The following VPS41 variants were observed in gnomAD, a reference collection of about 807,000 sequenced individuals.
VPS41 encodes the protein VPS41 subunit of HOPS complex.
A neutral mutation model predicts 130.9 loss-of-function variants in VPS41; 85 were observed. The ratio of observed to expected loss-of-function variants is 0.65; its 90% CI spans 0.55 to 0.78. The LOEUF is 0.78. Ranked by LOEUF, VPS41 falls within the 30% of genes least tolerant of loss-of-function variation. VPS41 has a pLI of 0.00. For synonymous variants in VPS41, 335 were observed against 332.9 expected, an observed-to-expected ratio of 1.01 and a Z score of -0.07; for missense variants, 874 against 1,018.7, an observed-to-expected ratio of 0.86 and a Z score of 1.93.
intron 3 of VPS41, among the ~76,000 whole-genome samples, chr7:38,867,006 C>A (rs978862593): frequency 6.6e-6 from 1 of 152,116 alleles, no homozygotes; most frequent in Non-Finnish European, 1.5e-5. Context: ...CTGATACATG[C>A]TACATCATGA....
At chr7:38,882,768 C>T (rs1328824529) in intron 2 of VPS41, among the ~76,000 whole-genome samples, 1 of 152,146 alleles carries the variant, frequency 6.6e-6, no homozygotes, top group Non-Finnish European at 1.5e-5. Context: ...AATCTGTTGG[C>T]TATACTTTAA....
intron 8 of VPS41, 38 bp downstream of exon 8, chr7:38,796,707 C>A (rs1784626976): frequency 1.2e-6 from 2 of 1,612,536 alleles, no homozygotes; most frequent in African/African-American, 2.7e-5. Context: ...TCTTCTGCCA[C>A]TGAACAAGCA....
At chr7:38,781,370 G>T (rs1053412103) in intron 10 of VPS41, among the ~76,000 whole-genome samples, 6 of 152,190 alleles carry the variant, frequency 3.9e-5, no homozygotes, top group African/African-American at 1.4e-4. Context: ...TGCAGGTCTA[G>T]ATGCCCAAGT....
At chr7:38,867,566 TA>T (rs1160089442) in intron 3 of VPS41, among the ~76,000 whole-genome samples, 2 of 150,410 alleles carry the variant, frequency 1.3e-5, no homozygotes, top group African/African-American at 4.9e-5. Flanking sequence ...AATAAATAAA[TA>T]AAAGAAAGAA....
At chr7:38,730,316 AG>A (rs1795637800) in intron 25 of VPS41, among the ~76,000 whole-genome samples, 1 of 152,190 alleles carries the variant, frequency 6.6e-6, no homozygotes, top group Admixed American at 6.5e-5. Context: ...CTCTATCCTC[AG>A]TGGTCCACGT....
intron 5 of VPS41, 113 bp from the exon 6 acceptor site, chr7:38,821,378 G>A (rs1785168395): frequency 2.7e-6 from 2 of 747,180 alleles, no homozygotes; most frequent in Admixed American, 4.8e-5. Flanking sequence ...TAATTTTAAG[G>A]CCCCGTGACC....
intron 7 of VPS41, among the ~76,000 whole-genome samples, chr7:38,811,584 CTTG>C (rs1242953208): frequency 6.7e-6 from 1 of 149,814 alleles, no homozygotes; most frequent in Non-Finnish European, 1.5e-5. Context: ...TTTTAAAAGA[CTTG>C]TTTTGTCATA....
At chr7:38,898,224 T>A in intron 1 of VPS41, 95 bp from the exon 2 acceptor site, 1 of 1,039,720 alleles carries the variant, frequency 9.6e-7, no homozygotes. Context: ...CTACCACGCA[T>A]CTGCCCTTTT....
chr7:38,901,990 C>T (rs1321212959), intron 1 of VPS41, among the ~76,000 whole-genome samples: 1 of 152,178 alleles, frequency 6.6e-6, no homozygotes, highest in Admixed American at 6.5e-5. Flanking sequence ...TACCCAGTGA[C>T]ACAAATGTCT....
intron 2 of VPS41, among the ~76,000 whole-genome samples, chr7:38,895,918 C>T (rs1258132302): frequency 6.6e-6 from 1 of 152,146 alleles, no homozygotes; most frequent in Admixed American, 6.5e-5. Context: ...TGCATTCTGC[C>T]TCGGCTGGGT....
intron 4 of VPS41, among the ~76,000 whole-genome samples, chr7:38,840,699 C>A (rs1356417063): frequency 1.3e-5 from 2 of 152,050 alleles, no homozygotes; most frequent in Admixed American, 6.6e-5. Context: ...GCAAAATAAA[C>A]ATTAAATGTA....
intron 10 of VPS41, among the ~76,000 whole-genome samples, chr7:38,785,917 T>C (rs1784429134): frequency 6.6e-6 from 1 of 152,146 alleles, no homozygotes; most frequent in African/African-American, 2.4e-5. Context: ...CAAGTGAAAA[T>C]ATAATTTCTA....
intron 22 of VPS41, among the ~76,000 whole-genome samples, chr7:38,750,420 TCACCATTAC>T (rs2115692486): frequency 6.6e-6 from 1 of 152,326 alleles, no homozygotes; most frequent in East Asian, 1.9e-4. Flanking sequence ...ATGGTCTGTT[TCACCATTAC>T]CACCTCTAAT....
At chr7:38,789,941 T>C in intron 9 of VPS41, 74 bp from the exon 10 acceptor site, 3 of 1,500,910 alleles carry the variant, frequency 2.0e-6, no homozygotes, top group Non-Finnish European at 2.8e-6. Flanking sequence ...CAGTATATGG[T>C]ATCTTTGTTA....
chr7:38,845,273 G>C (rs546319690), intron 4 of VPS41, among the ~76,000 whole-genome samples: 2 of 152,326 alleles, frequency 1.3e-5, no homozygotes, highest in African/African-American at 2.4e-5. Flanking sequence ...GAAAAAAACA[G>C]GCTTTTGGTA....
chr7:38,820,053 G>A (rs6462870), intron 6 of VPS41, among the ~76,000 whole-genome samples: 90,600 of 151,814 alleles, frequency 0.6, 27,742 homozygotes, highest in East Asian at 0.89. Flanking sequence ...TGCAACTGAT[G>A]GCATCCCACA....
chr7:38,735,294 C>T (rs902445556), intron 25 of VPS41, among the ~76,000 whole-genome samples: 1 of 152,058 alleles, frequency 6.6e-6, no homozygotes, highest in African/African-American at 2.4e-5. Context: ...AAAAGAAACC[C>T]ACGTAGGCCC....
intron 16 of VPS41, among the ~76,000 whole-genome samples, chr7:38,764,094 G>A (rs1470142321): frequency 2.6e-5 from 4 of 152,212 alleles, no homozygotes; most frequent in African/African-American, 9.6e-5. Flanking sequence ...GACAGACAGA[G>A]AAGGTCACCA....
chr7:38,799,990 C>T (rs566805612), intron 7 of VPS41, among the ~76,000 whole-genome samples: 2 of 152,060 alleles, frequency 1.3e-5, no homozygotes, highest in African/African-American at 4.8e-5. Flanking sequence ...TCTTGGACAC[C>T]GTCTTTCTGG....
Sources: allele counts gnomAD v4.1 joint callset (sites outside exome capture counted in the v4.1 genomes callset), GRCh38; gene constraint gnomAD v4.1.1; transcripts MANE v1.5; gene names NCBI Gene and HGNC (gene_info 2026-07-23, HGNC 2026-07-21).